Variants in BCL2L14 observed in about 807,000 individuals in gnomAD.
BCL2L14 encodes the protein apoptosis facilitator Bcl-2-like protein 14.
BCL2L14 carries 27 observed loss-of-function variants against 35.3 expected under a neutral mutation model. The ratio of observed to expected loss-of-function variants is 0.76; its 90% confidence interval spans 0.56 to 1.05. The LOEUF is 1.05. Ranked by LOEUF, BCL2L14 falls within the 50% of genes least tolerant of loss-of-function variation. The pLI, the probability that BCL2L14 is intolerant of heterozygous loss-of-function variation, is 0.00. For missense variants in BCL2L14, 377 were observed against 382.6 expected, an observed-to-expected ratio of 0.99 and a Z score of 0.12; for synonymous variants, 139 against 145.9, an observed-to-expected ratio of 0.95 and a Z score of 0.34.
chr12:12,065,832 C>T (rs1195600301), intron 2 of BCL2L14, among the ~76,000 whole-genome samples: 3 of 150,954 alleles, frequency 2.0e-5, no homozygotes, highest in Admixed American at 6.6e-5. Context: ...CGCTCTGTTG[C>T]CCAGGCTGGA....
intron 2 of BCL2L14, among the ~76,000 whole-genome samples, chr12:12,082,192 C>G (rs2136754486): frequency 6.6e-6 from 1 of 152,332 alleles, no homozygotes; most frequent in East Asian, 1.9e-4. Context: ...AGAGCCTGGA[C>G]TCACCAGAAG....
At chr12:12,097,915 A>G (rs1628766) in intron 5 of BCL2L14, among the ~76,000 whole-genome samples, 39,353 of 152,076 alleles carry the variant, frequency 0.26, 5,240 homozygotes, top group East Asian at 0.37. Flanking sequence ...TCAATTCAAA[A>G]TGTATTTCTT....
chr12:12,094,289 C>T (rs1291567869), intron 4 of BCL2L14, among the ~76,000 whole-genome samples: 2 of 152,114 alleles, frequency 1.3e-5, no homozygotes, highest in Admixed American at 1.3e-4. Context: ...CTGTCCCTTA[C>T]ACTACTTCTA....
At chr12:12,091,821 AAC>A (rs1416701228) in intron 4 of BCL2L14, among the ~76,000 whole-genome samples, 1 of 152,128 alleles carries the variant, frequency 6.6e-6, no homozygotes, top group Non-Finnish European at 1.5e-5. Flanking sequence ...CAAGAGATGG[AAC>A]AGGATCATGA....
In BCL2L14 at chr12:12,087,485, C is replaced by T. The variant is rs1949073711; in HGVS notation, c.607+99C>T. 7 of 1,317,908 alleles carry T rather than the reference C, an allele frequency of 5.3e-6. No homozygotes were observed. In the African/African-American group the frequency reaches 7.3e-5, roughly 14 times the overall value. The allele number at this position is 1,317,908 out of a possible 1,614,324, so 81.6% of individuals were successfully genotyped here. A position where few individuals can be genotyped will look rare whatever the true frequency, so the allele number is the denominator to read the frequency against. On this transcript the variant is annotated intron_variant, in intron 3 of 5. Coordinates refer to ENST00000308721, the MANE Select transcript of BCL2L14 (RefSeq NM_138723.2). ...GGGCTCGGCAACTTGACAGTCTCCG[C>T]TGCCTGGACTGAGGGCTTGACAGCC...
chr12:12,094,760 C>A lies in BCL2L14; in HGVS notation c.775C>A (p.Pro259Thr), dbSNP rs61738409. Residue 259 changes from proline to threonine, a missense_variant, in exon 5 of 6, where the codon CCC (proline) becomes ACC (threonine). Transcript: ENST00000308721. ...AGACCAGGTCCTAATGGGTGTGGAC[C>A]CCAGGGGAGAATCAGAGGTCAAAGC... ...ITDQVLMGVD[P>T]RGESEVKAQG... 1.7e-3 allele frequency: 2,773 copies of A among 1,614,100 alleles called. 35 individuals are homozygous for A. In the African/African-American group the frequency reaches 0.031, roughly 18 times the overall value.
intron 3 of BCL2L14, among the ~76,000 whole-genome samples, chr12:12,088,171 A>G (rs949568474): frequency 2.6e-5 from 4 of 152,194 alleles, no homozygotes; most frequent in Admixed American, 2.0e-4. Flanking sequence ...TTAATAGGCA[A>G]AACAAAGAGA....
At chr12:12,076,463 C>T (rs1948783521) in intron 1 of BCL2L14, among the ~76,000 whole-genome samples, 1 of 152,112 alleles carries the variant, frequency 6.6e-6, no homozygotes, top group South Asian at 2.1e-4. Context: ...CAGTCATGAC[C>T]CCCACTTCAT....
chr12:12,096,256 T>C, intron 5 of BCL2L14: 1 of 779,104 alleles, frequency 1.3e-6, no homozygotes, highest in Non-Finnish European at 1.6e-6. Context: ...ATTATAATTA[T>C]CAATTGGGTT....
At chr12:12,090,687 C>T in intron 3 of BCL2L14, 92 bp from the exon 4 acceptor site, 2 of 941,512 alleles carry the variant, frequency 2.1e-6, no homozygotes, top group East Asian at 2.7e-5. Flanking sequence ...TCCTCCAGCC[C>T]TTACCAAGCC....
Position 12,098,842 on chromosome 12 carries a change from T to C in BCL2L14, c.946-108T>C, listed in dbSNP as rs1949370587. The C allele has an allele frequency of 5.0e-6, 4 of 796,254 alleles. No individual in the cohort carries two copies. The South Asian group carries it at 5.7e-5, about 11-fold the overall frequency. The allele number at this position is 796,254 out of a possible 1,614,324, so 49.3% of individuals were successfully genotyped here. ...AACCCTCCCCCAAACTAACATGGTCTCCTGAGCCTCGGGTCACGCCTGGGA... is the reference window on the plus strand; with the variant it reads ...AACCCTCCCCCAAACTAACATGGTCCCCTGAGCCTCGGGTCACGCCTGGGA... On this transcript the variant is annotated intron_variant, in intron 5 of 5. Coordinates refer to ENST00000308721, the MANE Select transcript of BCL2L14 (RefSeq NM_138723.2).
chr12:12,067,349 G>A (rs1203045239), upstream of BCL2L14, among the ~76,000 whole-genome samples: 1 of 152,150 alleles, frequency 6.6e-6, no homozygotes, highest in African/African-American at 2.4e-5. Context: ...TCAGGAGTTG[G>A]AGACCAGTCT....
chr12:12,079,323 G>C lies in BCL2L14; in HGVS notation c.18G>C (p.Gly6=), dbSNP rs139406698. The C allele has an allele frequency of 2.9e-5, 47 of 1,613,870 alleles. No individual in the cohort carries two copies. In the African/African-American group the frequency reaches 5.7e-4, roughly 20 times the overall value. The change falls in exon 2 of 6, where the codon GGG becomes GGC. Residue 6 remains glycine, a synonymous_variant. Transcript: ENST00000308721. Reference sequence around the variant, plus strand: ...GGCCCAACATGTGTAGCACCAGTGGGTGTGACCTGGAAGAAATCCCCCTAG... The same window carrying C: ...GGCCCAACATGTGTAGCACCAGTGGCTGTGACCTGGAAGAAATCCCCCTAG... MCSTS[G]CDLEEIPLDD... is the part of the protein sequence containing the mutation.
chr12:12,070,061 G>C (rs891461998), upstream of BCL2L14, among the ~76,000 whole-genome samples: 3 of 152,196 alleles, frequency 2.0e-5, no homozygotes, highest in African/African-American at 7.2e-5. Context: ...TCTGGAAAGA[G>C]CATAAAATCA....
intron 1 of BCL2L14, among the ~76,000 whole-genome samples, chr12:12,075,808 C>A (rs919371588): frequency 6.6e-6 from 1 of 151,904 alleles, no homozygotes; most frequent in African/African-American, 2.4e-5. Context: ...TTGAAGAAAC[C>A]GGCCATTTGT....
intron 2 of BCL2L14, among the ~76,000 whole-genome samples, chr12:12,060,363 G>A (rs1480391183): frequency 9.4e-6 from 1 of 106,490 alleles, no homozygotes; most frequent in Non-Finnish European, 1.9e-5. Flanking sequence ...GCAACCCTGA[G>A]ACACTTTACA....
upstream of BCL2L14, among the ~76,000 whole-genome samples, chr12:12,066,268 T>C (rs1948592939): frequency 6.6e-6 from 1 of 152,180 alleles, no homozygotes; most frequent in African/African-American, 2.4e-5. Flanking sequence ...GTCACAGCCT[T>C]TTATTGCTCC....
chr12:12,064,484 G>T (rs551158046), intron 2 of BCL2L14, among the ~76,000 whole-genome samples: 3 of 151,906 alleles, frequency 2.0e-5, no homozygotes, highest in Non-Finnish European at 4.4e-5. Context: ...CATAACTGTC[G>T]TGCCTACTAC....
At chr12:12,059,151 GAC>G (rs1326215889) in intron 2 of BCL2L14, among the ~76,000 whole-genome samples, 10 of 152,144 alleles carry the variant, frequency 6.6e-5, no homozygotes, top group African/African-American at 2.4e-4. Context: ...TCATTGCAAG[GAC>G]ACCTCTCTGA....
Sources: allele counts gnomAD v4.1 joint callset (sites outside exome capture counted in the v4.1 genomes callset), GRCh38; gene constraint gnomAD v4.1.1; transcripts MANE v1.5; gene names NCBI Gene and HGNC (gene_info 2026-07-23, HGNC 2026-07-21).